The following ANXA11 variants were observed in gnomAD, a reference collection of about 807,000 sequenced individuals.
ANXA11 encodes 56 kDa autoantigen.
In ANXA11, 57 loss-of-function variants were observed where a neutral mutation model predicts 64.7. The ratio of observed to expected loss-of-function variants is 0.88; its 90% CI spans 0.71 to 1.10. ANXA11 has a LOEUF of 1.10. ANXA11 is among the 50% of genes least tolerant of loss of function. The pLI, the probability that ANXA11 is intolerant of heterozygous loss-of-function variation, is 0.00. For missense variants in ANXA11, 675 were observed against 670.7 expected (o/e 1.01, Z -0.07); for synonymous variants, 260 against 265.2 (o/e 0.98, Z 0.19).
intron 7 of ANXA11, 40 bp from the exon 8 acceptor site, chr10:80,166,237 AC>A (rs781044009): frequency 1.1e-4 from 130 of 1,207,136 alleles, no homozygotes; most frequent in East Asian, 2.8e-4. Flanking sequence ...AAAAAAAAAA[AC>A]AAGTCTATTT....
intron 1 of ANXA11, among the ~76,000 whole-genome samples, chr10:80,178,301 A>G (rs1272628465): frequency 6.6e-6 from 1 of 152,144 alleles, no homozygotes; most frequent in Non-Finnish European, 1.5e-5. Flanking sequence ...TGCATGGGGC[A>G]AGAGACATGC....
At chr10:80,172,971 C>G (rs1846038296) in intron 2 of ANXA11, 102 bp from the exon 3 acceptor site, 2 of 986,786 alleles carry the variant, frequency 2.0e-6, no homozygotes, top group East Asian at 4.8e-5. Flanking sequence ...CAACTGGGAC[C>G]CTGCAGAAGA....
In ANXA11 at chr10:80,166,067, C is replaced by T; in HGVS notation, c.858+17G>A. 7.2e-7 allele frequency: 1 copy of T among 1,389,414 alleles called. No individual in the cohort carries two copies. Among genetic ancestry groups the T allele is most frequent in the Non-Finnish European group, 1.0e-6 (1 of 982,288 alleles). The allele number at this position is 1,389,414 out of a possible 1,614,324, so 86.1% of individuals were successfully genotyped here. On this transcript the variant is annotated intron_variant, in intron 8 of 15. Coordinates refer to ENST00000422982, the MANE Select transcript of ANXA11 (RefSeq NM_145868.2). ...GCACACACACACACACACACACACA[C>T]ACACACACGTACACACCTTGATGGC...
At chr10:80,187,256 T>G (rs1045399196) in intron 1 of ANXA11, among the ~76,000 whole-genome samples, 1 of 152,082 alleles carries the variant, frequency 6.6e-6, no homozygotes, top group Non-Finnish European at 1.5e-5. Context: ...GGTTATGAGG[T>G]TGGAGTCCTC....
At position 80,166,101 on chromosome 10, in the gene ANXA11, T is replaced by C. The variant is rs1239003845; in HGVS notation, c.841A>G (p.Ile281Val). The C allele has an allele frequency of 6.2e-7, 1 of 1,606,026 alleles. No homozygotes were observed. The highest frequency in any genetic ancestry group is 8.5e-7 in the Non-Finnish European group (1 of 1,173,354). The change falls in exon 8 of 16, where the codon ATA becomes GTA. Residue 281 changes from isoleucine (I) to valine (V), a missense_variant. Transcript: ENST00000422982. ...KTPVLFDIYE[I>V]KEAIKGVGTD... ...GTACACACCTTGATGGCTTCCTTTA[T>C]CTCATAAATGTCAAAGAGGACTGGG... is the stretch of plus-strand genomic sequence containing the variant.
chr10:80,188,697 G>A (rs997573927), intron 1 of ANXA11, among the ~76,000 whole-genome samples: 1 of 146,492 alleles, frequency 6.8e-6, no homozygotes, highest in Non-Finnish European at 1.5e-5. Flanking sequence ...CACCTACCTT[G>A]GATTACTATG....
At chr10:80,179,127 TC>T (rs1386415734) in intron 1 of ANXA11, among the ~76,000 whole-genome samples, 2 of 152,142 alleles carry the variant, frequency 1.3e-5, no homozygotes, top group Non-Finnish European at 2.9e-5. Flanking sequence ...GGGGCAGATT[TC>T]CCCCTTTGGT....
At chr10:80,173,297 C>T (rs1846049443) in intron 2 of ANXA11, among the ~76,000 whole-genome samples, 1 of 152,240 alleles carries the variant, frequency 6.6e-6, no homozygotes, top group South Asian at 2.1e-4. Flanking sequence ...GTCCTTATTG[C>T]CATCCCTCCA....
chr10:80,191,036 G>T (rs917877460), intron 1 of ANXA11, among the ~76,000 whole-genome samples: 29 of 151,934 alleles, frequency 1.9e-4, no homozygotes, highest in African/African-American at 6.3e-4. Flanking sequence ...GACCAGCCTG[G>T]CCAACATGGC....
intron 3 of ANXA11, chr10:80,171,636 G>A (rs1201737037): frequency 1.6e-5 from 16 of 985,514 alleles, no homozygotes; most frequent in African/African-American, 3.5e-5. Context: ...CTGGGTGCCC[G>A]ATGGGCATTC....
Position 80,171,661 on chromosome 10 carries a change from G to A in ANXA11, c.56-746C>T, listed in dbSNP as rs918146690. ...GATGGGCATTCGACATCATCATGGG[G>A]CCTCTGGCCTGTTAGATGCTTTCCT... On this transcript the variant is annotated intron_variant, in intron 3 of 15. Transcript: ENST00000422982. 6 of 985,416 alleles carry A rather than the reference G, an allele frequency of 6.1e-6. No homozygotes were observed. In the African/African-American group the frequency reaches 8.7e-5, roughly 14 times the overall value. The allele number at this position is 985,416 out of a possible 1,614,324, so 61.0% of individuals were successfully genotyped here. A position where few individuals can be genotyped will look rare whatever the true frequency, so the allele number is the denominator to read the frequency against.
chr10:80,168,763 C>T (rs749577401), intron 5 of ANXA11, among the ~76,000 whole-genome samples: 4 of 152,138 alleles, frequency 2.6e-5, no homozygotes, highest in Non-Finnish European at 5.9e-5. Flanking sequence ...TCTTGAACTC[C>T]TGGGCTCAAG....
chr10:80,169,195 T>C lies in ANXA11; in HGVS notation c.335A>G (p.Asn112Ser), dbSNP rs1296960487. 6 of 1,603,786 alleles carry C rather than the reference T, an allele frequency of 3.7e-6. No homozygotes were observed. The highest frequency in any genetic ancestry group is 1.7e-5 in the Admixed American group (1 of 57,386). Residue 112 changes from asparagine (N) to serine (S), a missense_variant, in exon 5 of 16, where the codon AAC becomes AGC. Asn to Ser is a conservative substitution (Grantham distance 46). Transcript: ENST00000422982. ...ATATGAGGGCATCCTGGAGGGTGGG[T>C]TTCCTCCTGGGGGTGGATACATCCC... ...PYGMYPPPGG[N>S]PPSRMPSYPP...
At chr10:80,156,109 A>G (rs1305125316) in intron 15 of ANXA11, among the ~76,000 whole-genome samples, 197 bp from the exon 16 acceptor site, 1 of 152,216 alleles carries the variant, frequency 6.6e-6, no homozygotes, top group Non-Finnish European at 1.5e-5. Context: ...CCCCATCAGA[A>G]GACGGAAAGC....
intron 1 of ANXA11, among the ~76,000 whole-genome samples, chr10:80,199,258 T>C (rs937164774): frequency 6.6e-6 from 1 of 151,942 alleles, no homozygotes; most frequent in Non-Finnish European, 1.5e-5. Flanking sequence ...CTACCACGCC[T>C]GGATAATTTT....
At chr10:80,163,289 G>A in intron 11 of ANXA11, 60 bp downstream of exon 11, 1 of 1,596,282 alleles carries the variant, frequency 6.3e-7, no homozygotes, top group Non-Finnish European at 8.6e-7. Flanking sequence ...CTCTCAGGAA[G>A]CAAGAAAGCG....
chr10:80,177,067 C>T (rs1390464371), intron 1 of ANXA11, among the ~76,000 whole-genome samples: 1 of 151,678 alleles, frequency 6.6e-6, no homozygotes, highest in Non-Finnish European at 1.5e-5. Context: ...GCAACCTCCA[C>T]CTCCTCGGTG....
At chr10:80,200,717 C>T (rs1840383169) in intron 1 of ANXA11, among the ~76,000 whole-genome samples, 1 of 152,218 alleles carries the variant, frequency 6.6e-6, no homozygotes, top group African/African-American at 2.4e-5. Context: ...TAATATTTAT[C>T]ATGCAGTTGG....
chr10:80,192,055 G>C (rs570176560), intron 1 of ANXA11, among the ~76,000 whole-genome samples: 34 of 152,324 alleles, frequency 2.2e-4, no homozygotes, highest in African/African-American at 8.2e-4. Context: ...CCTCAGAGCT[G>C]CTGGCGGACT....
Sources: allele counts gnomAD v4.1 joint callset (sites outside exome capture counted in the v4.1 genomes callset), GRCh38; gene constraint gnomAD v4.1.1; transcripts MANE v1.5; gene names NCBI Gene and HGNC (gene_info 2026-07-23, HGNC 2026-07-21).